CYB5R4: variants seen among roughly 807,000 people sequenced by gnomAD.
CYB5R4 encodes cytochrome b5 reductase 4, also known as N-terminal cytochrome b5 and cytochrome b5 oxidoreductase domain-containing protein.
CYB5R4 carries 55 observed loss-of-function variants against 70.2 expected under a neutral mutation model. The ratio of observed to expected loss-of-function variants is 0.78; its 90% CI spans 0.63 to 0.98. The LOEUF is 0.98. Among genes scored for constraint, CYB5R4 ranks in the 50% least tolerant of loss-of-function variants. The probability of loss-of-function intolerance (pLI) is 0.00; values close to 1 mark genes in which losing one functional copy is unlikely to be tolerated. For synonymous variants in CYB5R4, 197 were observed against 199.5 expected (o/e 0.99, Z 0.11); for missense variants, 562 against 612.6 (o/e 0.92, Z 0.87).
intron 8 of CYB5R4, among the ~76,000 whole-genome samples, chr6:83,921,494 T>C (rs3818442): frequency 0.2 from 30,703 of 152,180 alleles, 6,703 homozygotes; most frequent in African/African-American, 0.54. Context: ...GTCACATGTC[T>C]TACTGACTGT....
chr6:83,918,383 G>A (rs2099465838), intron 6 of CYB5R4, among the ~76,000 whole-genome samples: 3 of 151,898 alleles, frequency 2.0e-5, no homozygotes, highest in Admixed American at 1.3e-4. Context: ...AAAAGAAAGT[G>A]ATAAAATCAG....
At chr6:83,881,628 A>C (rs754072752) in intron 2 of CYB5R4, among the ~76,000 whole-genome samples, 3 of 152,088 alleles carry the variant, frequency 2.0e-5, no homozygotes, top group Non-Finnish European at 2.9e-5. Context: ...CTTTAGTTTC[A>C]CCTTTCTTCA....
intron 14 of CYB5R4, among the ~76,000 whole-genome samples, chr6:83,944,252 C>T (rs1039440415): frequency 3.3e-5 from 5 of 152,162 alleles, no homozygotes; most frequent in African/African-American, 9.7e-5. Context: ...AGAAACCCTA[C>T]AAACCAGAAG....
chr6:83,874,777 G>A lies in CYB5R4; in HGVS notation c.229+10449G>A, dbSNP rs147637054. The stretch of plus-strand genomic sequence containing the variant: ...GGACTTCTGTTAGAACATCTGTTTC[G>A]TTTTCTTGGCCACTTTTTATATTTT... On this transcript the variant is annotated intron_variant, in intron 2 of 15. Transcript: ENST00000369681. 8.2e-3 allele frequency among the ~76,000 whole-genome samples: 1,236 copies of A among 150,392 alleles called. 8 individuals are homozygous for A. The highest frequency in any genetic ancestry group is 0.012 in the Non-Finnish European group (783 of 67,336).
chr6:83,887,927 T>G (rs2099460508), intron 2 of CYB5R4, among the ~76,000 whole-genome samples: 1 of 152,130 alleles, frequency 6.6e-6, no homozygotes, highest in South Asian at 2.1e-4. Flanking sequence ...CCAGGAGTCC[T>G]TATTTACAGT....
intron 15 of CYB5R4, among the ~76,000 whole-genome samples, chr6:83,957,564 A>G (rs964884646): frequency 6.7e-6 from 1 of 148,686 alleles, no homozygotes; most frequent in Admixed American, 6.8e-5. Flanking sequence ...GAGGTTGGCA[A>G]TGAGCCAGGA....
At chr6:83,900,273 G>T (rs1043629054) in intron 3 of CYB5R4, among the ~76,000 whole-genome samples, 2 of 152,126 alleles carry the variant, frequency 1.3e-5, no homozygotes, top group African/African-American at 4.8e-5. Flanking sequence ...GTAGTTGAGT[G>T]GTGTTGAGTG....
At chr6:83,894,663 A>G (rs1296564770) in intron 3 of CYB5R4, among the ~76,000 whole-genome samples, 1 of 152,224 alleles carries the variant, frequency 6.6e-6, no homozygotes, top group East Asian at 1.9e-4. Context: ...TACTTATAAC[A>G]TAAACAGTCA....
At chr6:83,911,248 T>TA (rs956370581) in intron 4 of CYB5R4, among the ~76,000 whole-genome samples, 18 of 151,192 alleles carry the variant, frequency 1.2e-4, no homozygotes, top group South Asian at 2.1e-4. Context: ...CTACAAAAAT[T>TA]AAAAAAAAAT....
At chr6:83,950,279 G>A (rs532077975) in intron 14 of CYB5R4, among the ~76,000 whole-genome samples, 1 of 152,226 alleles carries the variant, frequency 6.6e-6, no homozygotes, top group East Asian at 1.9e-4. Context: ...CACATTCCAA[G>A]TCTAGCAAAA....
At chr6:83,860,505 A>G (rs2099455763) in intron 1 of CYB5R4, among the ~76,000 whole-genome samples, 1 of 152,234 alleles carries the variant, frequency 6.6e-6, no homozygotes, top group Non-Finnish European at 1.5e-5. Flanking sequence ...TGCTGTTAGC[A>G]ACAGGTGGAA....
At chr6:83,906,285 G>A (rs1196506540) in intron 3 of CYB5R4, among the ~76,000 whole-genome samples, 3 of 152,122 alleles carry the variant, frequency 2.0e-5, no homozygotes, top group Non-Finnish European at 2.9e-5. Flanking sequence ...TAAACTCCTG[G>A]GGCAGTAGCC....
At chr6:83,900,693 G>A (rs1333118942) in intron 3 of CYB5R4, among the ~76,000 whole-genome samples, 2 of 152,176 alleles carry the variant, frequency 1.3e-5, no homozygotes, top group Admixed American at 1.3e-4. Flanking sequence ...AGCTCTTCTT[G>A]TTGAATTGAT....
chr6:83,960,505 A>T lies in CYB5R4; in HGVS notation c.*627A>T, dbSNP rs1289303323. The T allele has an allele frequency of 6.6e-6, 1 of 152,194 alleles. No homozygotes were observed. Among genetic ancestry groups the T allele is most frequent in the African/African-American group, 2.4e-5 (1 of 41,434 alleles). The allele number at this position is 152,194 out of a possible 1,614,324, so 9.4% of individuals were successfully genotyped here. On this transcript the variant is annotated 3_prime_UTR_variant, in exon 16 of 16. Transcript: ENST00000369681. ...GGGGAATTTTAAAAGGCAGCAATAA[A>T]ATATATTAGAGACATGACACACATG... is the stretch of plus-strand genomic sequence containing the variant.
chr6:83,957,268 T>C (rs1445043741), intron 15 of CYB5R4, among the ~76,000 whole-genome samples: 2 of 152,272 alleles, frequency 1.3e-5, no homozygotes, highest in East Asian at 3.9e-4. Flanking sequence ...TCTGCTGTAT[T>C]GCTTCTGCTA....
At chr6:83,894,241 G>C (rs878979706) in intron 3 of CYB5R4, among the ~76,000 whole-genome samples, 2 of 152,134 alleles carry the variant, frequency 1.3e-5, no homozygotes, top group Admixed American at 1.3e-4. Context: ...AAGTTATGCA[G>C]AATGTTGATT....
At position 83,910,015 on chromosome 6, in the gene CYB5R4, C is replaced by T; in HGVS notation, c.412+925C>T. 3.1e-6 allele frequency: 5 copies of T among 1,609,846 alleles called. No individual in the cohort carries two copies. The South Asian group carries it at 5.5e-5, about 18-fold the overall frequency. On this transcript the variant is annotated intron_variant, in intron 4 of 15. Transcript: ENST00000369681. ...ATTAAAAATGATGGTATTAGTGGCA[C>T]ATACATGTTAAGCTGGTACGCATGC...
chr6:83,955,352 G>C lies in CYB5R4; in HGVS notation c.1401G>C (p.Gln467His), dbSNP rs1338534052. The C allele has an allele frequency of 6.2e-7, 1 of 1,613,746 alleles. No individual in the cohort carries two copies. The highest frequency in any genetic ancestry group is 1.3e-5 in the African/African-American group (1 of 74,880). ...SAPISEWNGKQGHISPALLSE... is the reference protein window; with the variant it reads ...SAPISEWNGKHGHISPALLSE... ...CTATTTCTGAATGGAATGGCAAACAGGGACATATTTCACCAGCTCTTCTTT... is the reference window on the plus strand; with the variant it reads ...CTATTTCTGAATGGAATGGCAAACACGGACATATTTCACCAGCTCTTCTTT... Residue 467 changes from glutamine (Q) to histidine (H), a missense_variant, in exon 15 of 16, where the codon CAG becomes CAC. Coordinates refer to ENST00000369681, the MANE Select transcript of CYB5R4 (RefSeq NM_016230.4).
intron 7 of CYB5R4, among the ~76,000 whole-genome samples, chr6:83,920,086 C>G (rs1238613367): frequency 3.9e-5 from 6 of 152,072 alleles, no homozygotes; most frequent in Non-Finnish European, 7.4e-5. Context: ...TACGTAGAGA[C>G]CTGACTTTCA....
Sources: gnomAD v4.1 joint callset for allele counts (sites outside exome capture counted in the v4.1 genomes callset) on GRCh38, gnomAD v4.1.1 for gene constraint, MANE v1.5 for transcripts, NCBI Gene and HGNC (gene_info 2026-07-23, HGNC 2026-07-21) for gene names.